GPSM1: variants seen among roughly 807,000 people sequenced by gnomAD.
The protein encoded by GPSM1 is G protein signaling modulator 1, also known as G protein-signaling modulator 1.
In GPSM1, 48 loss-of-function variants were observed where a neutral mutation model predicts 70.5. The observed-to-expected ratio is 0.68, with a 90% CI of 0.54 to 0.87. GPSM1 has a LOEUF of 0.87. Among genes scored for constraint, GPSM1 ranks in the 40% least tolerant of loss-of-function variants. The probability of loss-of-function intolerance (pLI) is 0.00; values close to 1 mark genes in which losing one functional copy is unlikely to be tolerated. For missense variants in GPSM1, 981 were observed against 972.6 expected (o/e 1.01, Z -0.11); for synonymous variants, 416 against 430.1 (o/e 0.97, Z 0.41).
chr9:136,336,036 C>T lies in GPSM1; in HGVS notation c.361C>T (p.Arg121Cys), dbSNP rs782002668. ...NLGNTLKVLG[R>C]FDEAAVCCQR... is the part of the protein sequence containing the mutation. ...GGGAAACACACTCAAGGTCCTGGGG[C>T]GCTTCGACGAGGCTGCCGTCTGCTG... The change falls in exon 3 of 14, where the codon CGC (arginine) becomes TGC (cysteine). Residue 121 changes from arginine (R) to cysteine (C), a missense_variant. Coordinates refer to ENST00000440944, the MANE Select transcript of GPSM1 (RefSeq NM_001145638.3). The T allele has an allele frequency of 2.1e-5, 34 of 1,612,324 alleles. No individual in the cohort carries two copies. Among genetic ancestry groups the T allele is most frequent in the Middle Eastern group, 3.3e-4 (2 of 6,082 alleles).
intron 10 of GPSM1, 123 bp from the exon 11 acceptor site, chr9:136,349,464 G>A: frequency 2.3e-6 from 2 of 851,412 alleles, no homozygotes; most frequent in Non-Finnish European, 3.6e-6. Context: ...CTCCTCTCTG[G>A]GTACTGGGCA....
intron 11 of GPSM1, among the ~76,000 whole-genome samples, chr9:136,354,077 C>T (rs1832745462): frequency 6.6e-6 from 1 of 152,138 alleles, no homozygotes; most frequent in Non-Finnish European, 1.5e-5. Context: ...CTAGAACTCT[C>T]CCTCCTCAGG....
chr9:136,335,442 C>T (rs1361570279), intron 2 of GPSM1, among the ~76,000 whole-genome samples: 3 of 152,180 alleles, frequency 2.0e-5, no homozygotes, highest in Non-Finnish European at 4.4e-5. Flanking sequence ...AGCGCCCTCC[C>T]CCTCAGCCCT....
intron 3 of GPSM1, among the ~76,000 whole-genome samples, 176 bp downstream of exon 3, chr9:136,336,277 G>GC (rs1220225008): frequency 1.3e-5 from 2 of 151,876 alleles, no homozygotes; most frequent in East Asian, 3.9e-4. Context: ...CCCAAAACAG[G>GC]CCCCCCCAGC....
chr9:136,349,084 C>T (rs374642666), intron 10 of GPSM1, among the ~76,000 whole-genome samples: 21 of 152,258 alleles, frequency 1.4e-4, no homozygotes, highest in African/African-American at 3.6e-4. Flanking sequence ...CCTGCCCTCT[C>T]GGACTCTGAC....
At chr9:136,334,337 G>A (rs895364333) in intron 1 of GPSM1, 110 bp from the exon 2 acceptor site, 1 of 716,478 alleles carries the variant, frequency 1.4e-6, no homozygotes, top group South Asian at 1.7e-5. Context: ...CAGATGTGGT[G>A]TGTGCCCTAG....
chr9:136,357,507 G>A (rs1554773410), intron 13 of GPSM1, among the ~76,000 whole-genome samples: 1 of 152,236 alleles, frequency 6.6e-6, no homozygotes. Flanking sequence ...CTGCACACTG[G>A]AGCAGGCGAG....
intron 8 of GPSM1, 51 bp downstream of exon 8, chr9:136,339,866 G>C: frequency 1.8e-6 from 2 of 1,136,322 alleles, no homozygotes; most frequent in Non-Finnish European, 2.5e-6. Flanking sequence ...GCCCACTCCA[G>C]ACGGGCCGGG....
rs782045784 is a variant in GPSM1 at position 136,340,873 on chromosome 9, G to A, written c.1087G>A (p.Gly363Arg). 1.1e-5 allele frequency: 17 copies of A among 1,571,302 alleles called. No homozygotes were observed. The highest frequency in any genetic ancestry group is 1.2e-5 in the South Asian group (1 of 85,818). The change falls in exon 9 of 14, where the codon GGG becomes AGG. Residue 363 changes from glycine to arginine, a missense_variant. By Grantham distance (125) the Gly-to-Arg change is moderately radical. Transcript: ENST00000440944. The surrounding 1 kb of genome is among the most constrained non-coding windows in gnomAD (Gnocchi z 7.3). ...KKHLQISQEI[G>R]DRHGELTARM... The stretch of plus-strand genomic sequence containing the variant: ...TCCGCCACCCCACTCGCCGCAGATC[G>A]GGGACCGCCATGGGGAGCTCACGGC...
chr9:136,338,741 C>T (rs1414978031), intron 7 of GPSM1, 31 bp downstream of exon 7: 20 of 1,521,018 alleles, frequency 1.3e-5, no homozygotes, highest in Admixed American at 2.0e-5. Context: ...CGGGCAGACC[C>T]GGCCCGGCCC....
intron 12 of GPSM1, 22 bp downstream of exon 12, chr9:136,355,868 G>T: frequency 6.3e-7 from 1 of 1,588,484 alleles, no homozygotes. Context: ...CCTCAGCCGG[G>T]CCCTCCCTTG....
chr9:136,330,953 A>G (rs1554768403), intron 1 of GPSM1, among the ~76,000 whole-genome samples: 1 of 152,140 alleles, frequency 6.6e-6, no homozygotes, highest in East Asian at 1.9e-4. Context: ...AGGACCCCTG[A>G]GCCCACAAGG....
rs1446395868 is a variant in GPSM1, at chr9:136,352,812, A to G, written c.1456-2878A>G. ...GCTCTTCGGCAGGCTGTCTGCCCAC[A>G]CAGCCCTCCAGTGTGCCCGCCCACA... On this transcript the variant is annotated intron_variant, in intron 11 of 13. Coordinates refer to ENST00000440944, the MANE Select transcript of GPSM1 (RefSeq NM_001145638.3). Among the ~76,000 whole-genome samples, 4 of 152,224 alleles carry G rather than the reference A, an allele frequency of 2.6e-5. No individual in the cohort carries two copies. In the East Asian group the frequency reaches 7.7e-4, roughly 29 times the overall value.
chr9:136,355,626 C>T, intron 11 of GPSM1, 64 bp from the exon 12 acceptor site: 2 of 1,502,018 alleles, frequency 1.3e-6, no homozygotes, highest in Non-Finnish European at 1.8e-6. Flanking sequence ...GGCAAGCAGC[C>T]CCCGGTCTCG....
chr9:136,332,274 C>T, intron 1 of GPSM1: 1 of 397,988 alleles, frequency 2.5e-6, no homozygotes, highest in Non-Finnish European at 4.4e-6. Context: ...GGTGCAGCTG[C>T]AGGTGGCTGG....
chr9:136,335,700 C>G (rs1047398365), intron 2 of GPSM1, among the ~76,000 whole-genome samples: 1 of 152,216 alleles, frequency 6.6e-6, no homozygotes, highest in South Asian at 2.1e-4. Flanking sequence ...TGTGTAGCTC[C>G]TGGCACCTGT....
At position 136,334,500 on chromosome 9, in the gene GPSM1, C is replaced by T. The variant is rs150306443; in HGVS notation, c.122C>T (p.Ala41Val). The stretch of plus-strand genomic sequence containing the variant: ...CTGGAGGGCGAGCGTCTGTGCAAGG[C>T]GGGCGACTTCAAGACAGGCGTGGCC... Reference protein sequence around the residue: ...LALEGERLCKAGDFKTGVAFF... With the variant: ...LALEGERLCKVGDFKTGVAFF... The change falls in exon 2 of 14, where the codon GCG (alanine) becomes GTG (valine). Residue 41 changes from alanine to valine, a missense_variant. Coordinates refer to ENST00000440944, the MANE Select transcript of GPSM1 (RefSeq NM_001145638.3). 153 of 1,613,076 alleles carry T rather than the reference C, an allele frequency of 9.5e-5. No individual in the cohort carries two copies. The highest frequency in any genetic ancestry group is 1.2e-4 in the Non-Finnish European group (140 of 1,179,954).
rs941160943 is a variant in GPSM1, at chr9:136,343,333, G to T, written c.1207+2340G>T. Among the ~76,000 whole-genome samples, 2 of 152,092 alleles carry T rather than the reference G, an allele frequency of 1.3e-5. No homozygotes were observed. The highest frequency in any genetic ancestry group is 6.5e-5 in the Admixed American group (1 of 15,272). The stretch of plus-strand genomic sequence containing the variant: ...ACTCTTGGTGCGGGCAGCATGATTG[G>T]CATGTTGGGAGGAGGGAGCCGGCCC... On this transcript the variant is annotated intron_variant, in intron 9 of 13. Transcript: ENST00000440944. This position sits in a 1 kb window ranked among gnomAD's most constrained non-coding sequence, Gnocchi z 6.0.
At chr9:136,339,964 G>A in intron 8 of GPSM1, 149 bp downstream of exon 8, 1 of 622,090 alleles carries the variant, frequency 1.6e-6, no homozygotes, top group Non-Finnish European at 2.9e-6. Context: ...TCCGAGGCCT[G>A]GTGATGACAT....
Sources: allele counts gnomAD v4.1 joint callset (sites outside exome capture counted in the v4.1 genomes callset), GRCh38; gene constraint gnomAD v4.1.1; non-coding constraint Gnocchi (gnomAD v3.1); transcripts MANE v1.5; gene names NCBI Gene and HGNC (gene_info 2026-07-23, HGNC 2026-07-21).